The following CYP2D6 variants were observed in gnomAD, a reference collection of about 807,000 sequenced individuals.
CYP2D6 encodes cytochrome P450 2D6.
CYP2D6 carries 51 observed loss-of-function variants against 43.5 expected under a neutral mutation model. That is an observed-to-expected ratio of 1.17 (90% CI 0.94 to 1.48). CYP2D6 has a LOEUF of 1.48. CYP2D6 is among the 40% of genes most tolerant of loss of function. The pLI is 0.00. For missense variants in CYP2D6, 698 were observed against 688.0 expected, an observed-to-expected ratio of 1.01 and a Z score of -0.16; for synonymous variants, 346 against 297.1, an observed-to-expected ratio of 1.16 and a Z score of -1.69.
intron 2 of CYP2D6, 55 bp downstream of exon 2, chr22:42,129,683 G>A: frequency 1.9e-6 from 3 of 1,600,848 alleles, no homozygotes; most frequent in East Asian, 2.2e-5. Flanking sequence ...TCGGACTACG[G>A]TCATCACCCA....
At chr22:42,129,966 C>T (rs1200172911) in intron 1 of CYP2D6, 57 bp from the exon 2 acceptor site, 2 of 1,467,888 alleles carry the variant, frequency 1.4e-6, no homozygotes, top group Non-Finnish European at 1.8e-6. Flanking sequence ...GACTACAGGT[C>T]CTAGTCCTAT....
intron 6 of CYP2D6, 45 bp from the exon 7 acceptor site, chr22:42,127,679 C>A: frequency 1.9e-6 from 3 of 1,590,402 alleles, no homozygotes; most frequent in Non-Finnish European, 2.6e-6. Flanking sequence ...CCCAGGGGGT[C>A]CGGCCCTGAC....
At chr22:42,129,697 G>C (rs371618162) in intron 2 of CYP2D6, 41 bp downstream of exon 2, 2 of 1,606,514 alleles carry the variant, frequency 1.2e-6, no homozygotes, top group Non-Finnish European at 1.7e-6. Flanking sequence ...TCACCCACCC[G>C]GGTCCCACGG....
chr22:42,129,464 C>G (rs532661124), intron 2 of CYP2D6: 7 of 728,094 alleles, frequency 9.6e-6, no homozygotes, highest in African/African-American at 8.7e-5. Context: ...GGTCCCCGCC[C>G]CCCACTTCGA....
Position 42,128,876 on chromosome 22 carries a change from C to T in CYP2D6, c.574G>A (p.Gly192Arg), listed in dbSNP as rs538707090. 3.0e-4 allele frequency: 487 copies of T among 1,600,564 alleles called. 15 individuals are homozygous for T. The Admixed American group carries it at 8.0e-3, about 26-fold the overall frequency. ...GGGTCGTCGTACTCGAAGCGGCGCC[C>T]GCAGGTGAGGGAGGCGATCACGTTG... Reference protein sequence around the residue: ...VSNVIASLTCGRRFEYDDPRF... With the variant: ...VSNVIASLTCRRRFEYDDPRF... Residue 192 changes from glycine to arginine, a missense_variant, in exon 4 of 9, where the codon GGG becomes AGG. Coordinates refer to ENST00000645361, the MANE Select transcript of CYP2D6 (RefSeq NM_000106.6).
In CYP2D6 at chr22:42,129,887, A is replaced by T. The variant is rs1456026511; in HGVS notation, c.203T>A (p.Val68Glu). ...FDQLRRRFGD[V>E]FSLQLAWTPV... is the part of the protein sequence containing the mutation. ...CGTCCAGGCCAGCTGCAGGCTGAAC[A>T]CGTCCCCGAAGCGGCGCCGCAACTG... is the stretch of plus-strand genomic sequence containing the variant. The change falls in exon 2 of 9, where the codon GTG becomes GAG. Residue 68 changes from valine to glutamate, a missense_variant. Physicochemically the swap from Val to Glu is moderately radical, Grantham distance 121. Around this residue, in one of 5 missense-constraint regions of CYP2D6, gnomAD observed 588 missense variants for 521.1 expected, o/e 1.13. Transcript: ENST00000645361. 7.6e-6 allele frequency: 12 copies of T among 1,584,710 alleles called. No individual in the cohort carries two copies. The highest frequency in any genetic ancestry group is 9.4e-6 in the Non-Finnish European group (11 of 1,166,780).
At chr22:42,127,293 C>T (rs1432657592) in intron 7 of CYP2D6, among the ~76,000 whole-genome samples, 154 bp downstream of exon 7, 1 of 150,492 alleles carries the variant, frequency 6.6e-6, no homozygotes, top group Non-Finnish European at 1.5e-5. Context: ...CCTGCCTATA[C>T]TCTGGACCCC....
At position 42,128,922 on chromosome 22, in the gene CYP2D6, A is replaced by T. The variant is rs111606937; in HGVS notation, c.528T>A (p.Gly176=). 1.9e-6 allele frequency: 3 copies of T among 1,588,684 alleles called. No homozygotes were observed. The highest frequency in any genetic ancestry group is 1.7e-4 in the Middle Eastern group (1 of 6,006). ...CGTTGCTCACGGCTTTGTCCAAGAGACCGTTGGGGCGAAAGGGGCGTCCTG... is the reference window on the plus strand; with the variant it reads ...CGTTGCTCACGGCTTTGTCCAAGAGTCCGTTGGGGCGAAAGGGGCGTCCTG... ...NHSGRPFRPN[G]LLDKAVSNVI... The change falls in exon 4 of 9, where the codon GGT becomes GGA. Residue 176 remains glycine (G), a synonymous_variant. Transcript: ENST00000645361.
chr22:42,128,863 T>A lies in CYP2D6; in HGVS notation c.587A>T (p.Glu196Val), dbSNP rs948982668. Residue 196 changes from glutamate (E) to valine (V), a missense_variant, in exon 4 of 9, where the codon GAG (glutamate) becomes GTG (valine). Glu to Val is a moderately radical substitution (Grantham distance 121, BLOSUM62 -2). Transcript: ENST00000645361. ...CCTGAGGAAGCGAGGGTCGTCGTAC[T>A]CGAAGCGGCGCCCGCAGGTGAGGGA... is the stretch of plus-strand genomic sequence containing the variant. ...IASLTCGRRF[E>V]YDDPRFLRLL... 1 of 1,603,532 alleles carries A rather than the reference T, an allele frequency of 6.2e-7. No homozygotes were observed. Among genetic ancestry groups the A allele is most frequent in the East Asian group, 2.3e-5 (1 of 44,396 alleles).
At chr22:42,129,488 C>T (rs761645428) in intron 2 of CYP2D6, 3 of 721,928 alleles carry the variant, frequency 4.2e-6, no homozygotes, top group African/African-American at 1.7e-5. Flanking sequence ...CGGATTCCAG[C>T]TGGGAAATGC....
At chr22:42,129,676 G>T in intron 2 of CYP2D6, 62 bp downstream of exon 2, 1 of 1,596,580 alleles carries the variant, frequency 6.3e-7, no homozygotes, top group Non-Finnish European at 8.6e-7. Context: ...GCCCAGCTCG[G>T]ACTACGGTCA....
In CYP2D6 at chr22:42,128,801, A is replaced by G. The variant is rs781621687; in HGVS notation, c.649T>C (p.Ser217Pro). The G allele has an allele frequency of 1.2e-6, 2 of 1,605,710 alleles. No homozygotes were observed. The highest frequency in any genetic ancestry group is 1.7e-6 in the Non-Finnish European group (2 of 1,175,878). ...CTCCGCACCTCGCGCAGAAAGCCCG[A>G]CTCCTCCTTCAGTCCCTCCTGAGCT... ...DLAQEGLKEE[S>P]GFLREVLNAV... Residue 217 changes from serine (S) to proline (P), a missense_variant, in exon 4 of 9, where the codon TCG (serine) becomes CCG (proline). This residue lies in a region of CYP2D6 where 588 missense variants were observed against 521.1 expected (regional missense o/e 1.13). Transcript: ENST00000645361.
Position 42,130,719 on chromosome 22 carries a change from G to A in CYP2D6, c.73C>T (p.Arg25Trp), listed in dbSNP as rs267608313. 1.9e-5 allele frequency: 30 copies of A among 1,600,380 alleles called. No homozygotes were observed. In the East Asian group the frequency reaches 2.2e-4, roughly 12 times the overall value. The change falls in exon 1 of 9, where the codon CGG becomes TGG. Residue 25 changes from arginine to tryptophan, a missense_variant. Arg to Trp is a moderately radical substitution (Grantham distance 101). Coordinates refer to ENST00000645361, the MANE Select transcript of CYP2D6 (RefSeq NM_000106.6). ...TAGCGTGCAGCCCAGCGTTGGCGCCGGTGCATCAGGTCCACCAGGAGCAGG... is the reference window on the plus strand; with the variant it reads ...TAGCGTGCAGCCCAGCGTTGGCGCCAGTGCATCAGGTCCACCAGGAGCAGG... Reference protein sequence around the residue: ...IFLLLVDLMHRRQRWAARYPP... With the variant: ...IFLLLVDLMHWRQRWAARYPP...
In CYP2D6 at chr22:42,127,869, G is replaced by A. The variant is rs141289473; in HGVS notation, c.958C>T (p.Leu320Phe). ...TGCACATCCGGATGTAGGATCATGAGCAGGAGGCCCCAGGCCAGCGTGGTC... is the reference window on the plus strand; with the variant it reads ...TGCACATCCGGATGTAGGATCATGAACAGGAGGCCCCAGGCCAGCGTGGTC... ...TSTTLAWGLL[L>F]MILHPDVQRR... Residue 320 changes from leucine to phenylalanine, a missense_variant, in exon 6 of 9, where the codon CTC becomes TTC. Transcript: ENST00000645361. The A allele has an allele frequency of 2.7e-5, 43 of 1,611,174 alleles. 1 individual carries two copies. The highest frequency in any genetic ancestry group is 2.7e-5 in the African/African-American group (2 of 74,458).
In CYP2D6 at chr22:42,129,388, G is replaced by T. The variant is rs557722765; in HGVS notation, c.353-203C>A. 9 of 845,544 alleles carry T rather than the reference G, an allele frequency of 1.1e-5. 1 individual carries two copies. The highest frequency in any genetic ancestry group is 1.7e-5 in the Non-Finnish European group (9 of 515,982). 52.4% of individuals were successfully genotyped at this position (845,544 alleles called of 1,614,324 possible). Reference sequence around the variant, plus strand: ...CACCTCGTCTCTGCCCACCCTGACCGCCTTTGCACTCAGGGAAGACCCCGC... The same window carrying T: ...CACCTCGTCTCTGCCCACCCTGACCTCCTTTGCACTCAGGGAAGACCCCGC... On this transcript the variant is annotated intron_variant, in intron 2 of 8. Coordinates refer to ENST00000645361, the MANE Select transcript of CYP2D6 (RefSeq NM_000106.6).
chr22:42,128,940 G>A lies in CYP2D6; in HGVS notation c.510C>T (p.Arg170=), dbSNP rs1931501243. 6 of 1,587,156 alleles carry A rather than the reference G, an allele frequency of 3.8e-6. No individual in the cohort carries two copies. Among genetic ancestry groups the A allele is most frequent in the Non-Finnish European group, 5.1e-6 (6 of 1,166,834 alleles). The change falls in exon 4 of 9, where the codon CGC becomes CGT. Residue 170 remains arginine, a synonymous_variant. Coordinates refer to ENST00000645361, the MANE Select transcript of CYP2D6 (RefSeq NM_000106.6). ...CCAAGAGACCGTTGGGGCGAAAGGGGCGTCCTGGGGGTGGGAGATGCGGGT... is the reference window on the plus strand; with the variant it reads ...CCAAGAGACCGTTGGGGCGAAAGGGACGTCCTGGGGGTGGGAGATGCGGGT... The part of the protein sequence containing the change: ...LCAAFANHSG[R]PFRPNGLLDK...
chr22:42,130,090 C>G, intron 1 of CYP2D6, 181 bp from the exon 2 acceptor site: 2 of 647,452 alleles, frequency 3.1e-6, no homozygotes, highest in Non-Finnish European at 2.5e-6. Flanking sequence ...TGGAGGAACT[C>G]AGTTTGGATG....
Position 42,128,513 on chromosome 22 carries a change from C to T in CYP2D6, c.667-163G>A, listed in dbSNP as rs184517596. 2.4e-3 allele frequency among the ~76,000 whole-genome samples: 367 copies of T among 150,708 alleles called. 16 individuals carry two copies. Among genetic ancestry groups the T allele is most frequent in the African/African-American group, 8.8e-3 (357 of 40,642 alleles). Reference sequence around the variant, plus strand: ...GCCAGCCTCCACCCTCTCTCCTTGCCCAGAGGAGAAACCTAAAATCGAAAT... The same window carrying T: ...GCCAGCCTCCACCCTCTCTCCTTGCTCAGAGGAGAAACCTAAAATCGAAAT... On this transcript the variant is annotated intron_variant, in intron 4 of 8. Transcript: ENST00000645361.
In CYP2D6 at chr22:42,127,917, A is replaced by G. The variant is rs770674043; in HGVS notation, c.910T>C (p.Ser304Pro). The G allele has an allele frequency of 2.2e-5, 36 of 1,610,964 alleles. 1 individual carries two copies. In the East Asian group the frequency reaches 2.7e-4, roughly 12 times the overall value. ...GTCGAGGTGGTCACCATCCCGGCAG[A>G]GAACAGGTCAGCCACCACTATGCGC... ...NLRIVVADLFSAGMVTTSTTL... is the reference protein window; with the variant it reads ...NLRIVVADLFPAGMVTTSTTL... Residue 304 changes from serine (S) to proline (P), a missense_variant, in exon 6 of 9, where the codon TCT becomes CCT. Ser to Pro is a moderately conservative substitution (Grantham distance 74, BLOSUM62 -1). Coordinates refer to ENST00000645361, the MANE Select transcript of CYP2D6 (RefSeq NM_000106.6).
Sources: gnomAD v4.1 joint callset for allele counts (sites outside exome capture counted in the v4.1 genomes callset) on GRCh38, gnomAD v4.1.1 for gene constraint, gnomAD v4.1.1 regional missense constraint, MANE v1.5 for transcripts, NCBI Gene and HGNC (gene_info 2026-07-23, HGNC 2026-07-21) for gene names.